The following GINS3 variants were observed in gnomAD, a reference collection of about 807,000 sequenced individuals.
GINS3 encodes the protein DNA replication complex GINS protein PSF3.
Under a neutral mutation model 20.0 loss-of-function variants are expected in GINS3, and 18 were observed. The observed-to-expected ratio is 0.90, with a 90% CI of 0.62 to 1.33. The LOEUF is 1.33. GINS3 is among the 40% of genes most tolerant of loss of function. The probability of loss-of-function intolerance (pLI) is 0.00; values close to 1 mark genes in which losing one functional copy is unlikely to be tolerated. For missense variants in GINS3, 254 were observed against 273.6 expected (o/e 0.93, Z 0.51); for synonymous variants, 109 against 107.0 (o/e 1.02, Z -0.12).
chr16:58,396,368 G>C (rs1271772618), intron 1 of GINS3, among the ~76,000 whole-genome samples: 1 of 127,348 alleles, frequency 7.9e-6, no homozygotes, highest in East Asian at 2.5e-4. Flanking sequence ...CCTCCCGGAT[G>C]GGGCGGCTGG....
At chr16:58,395,223 A>T (rs1477509948) in intron 1 of GINS3, 10 of 397,582 alleles carry the variant, frequency 2.5e-5, no homozygotes, top group Non-Finnish European at 4.4e-5. Flanking sequence ...TTGCAGGTAC[A>T]TGCCACCATG....
At chr16:58,396,825 C>T (rs1311791168) in intron 1 of GINS3, among the ~76,000 whole-genome samples, 1 of 138,064 alleles carries the variant, frequency 7.2e-6, no homozygotes, top group Non-Finnish European at 1.6e-5. Context: ...CCTCACTTCC[C>T]AGTAGGGGCG....
At chr16:58,398,194 A>G (rs2151493373) in intron 1 of GINS3, among the ~76,000 whole-genome samples, 1 of 152,258 alleles carries the variant, frequency 6.6e-6, no homozygotes, top group East Asian at 1.9e-4. Flanking sequence ...TTAATTTTTC[A>G]ATCTTCTTTT....
chr16:58,403,941 T>G (rs58255260), intron 2 of GINS3: 5,927 of 159,558 alleles, frequency 0.037, 211 homozygotes, highest in South Asian at 0.089. Flanking sequence ...AGACATCAAT[T>G]CACCTGTAAG....
At chr16:58,395,172 CT>C in intron 1 of GINS3, 1 of 427,022 alleles carries the variant, frequency 2.3e-6, no homozygotes, top group South Asian at 6.8e-5. Flanking sequence ...ACCTCCCAGG[CT>C]CCAGAGATCC....
At chr16:58,404,368 T>A in intron 2 of GINS3, 131 bp from the exon 3 acceptor site, 1 of 652,178 alleles carries the variant, frequency 1.5e-6, no homozygotes. Flanking sequence ...CTAGAGGGAA[T>A]TCAGACCTCC....
At chr16:58,404,295 TAAC>T (rs1965997441) in intron 2 of GINS3, 1 of 579,206 alleles carries the variant, frequency 1.7e-6, no homozygotes, top group Non-Finnish European at 3.1e-6. Context: ...TGGATTTTCA[TAAC>T]AATCCACTTC....
intron 1 of GINS3, among the ~76,000 whole-genome samples, chr16:58,401,309 T>TA (rs1385303313): frequency 6.6e-6 from 1 of 152,154 alleles, no homozygotes; most frequent in Non-Finnish European, 1.5e-5. Context: ...CAGTGAGTGT[T>TA]ACAGCTCATG....
intron 1 of GINS3, among the ~76,000 whole-genome samples, chr16:58,393,075 C>T (rs1965805839): frequency 6.6e-6 from 1 of 152,196 alleles, no homozygotes; most frequent in Admixed American, 6.5e-5. Flanking sequence ...TTAGTGTCTT[C>T]CCCCTACCCC....
intron 1 of GINS3, among the ~76,000 whole-genome samples, chr16:58,397,964 A>T (rs987359749): frequency 6.6e-6 from 1 of 152,178 alleles, no homozygotes; most frequent in Non-Finnish European, 1.5e-5. Context: ...ATATCAATAA[A>T]TTGTGTTCTC....
intron 1 of GINS3, among the ~76,000 whole-genome samples, chr16:58,398,898 G>A (rs1965917144): frequency 1.3e-5 from 2 of 152,122 alleles, no homozygotes; most frequent in South Asian, 4.1e-4. Flanking sequence ...TTGAAAAGAT[G>A]TCTATGGGAA....
At chr16:58,401,985 C>T (rs541677349) in intron 1 of GINS3, among the ~76,000 whole-genome samples, 13 of 151,984 alleles carry the variant, frequency 8.6e-5, no homozygotes, top group Non-Finnish European at 1.6e-4. Flanking sequence ...TTTATTTTGC[C>T]TCAATCTATC....
chr16:58,404,837 T>G lies in GINS3; in HGVS notation c.*108T>G. The G allele has an allele frequency of 1.3e-6, 1 of 765,428 alleles. No homozygotes were observed. Among genetic ancestry groups the G allele is most frequent in the South Asian group, 1.7e-5 (1 of 57,622 alleles). The allele number at this position is 765,428 out of a possible 1,614,324, so 47.4% of individuals were successfully genotyped here. Reference sequence around the variant, plus strand: ...CCAGAATCCTGTCCCATTTCATGGCTTATTTCCTGTGGCCATAGAGAATTA... The same window carrying G: ...CCAGAATCCTGTCCCATTTCATGGCGTATTTCCTGTGGCCATAGAGAATTA... On this transcript the variant is annotated 3_prime_UTR_variant, in exon 3 of 3. Coordinates refer to ENST00000318129, the MANE Select transcript of GINS3 (RefSeq NM_022770.4).
intron 1 of GINS3, among the ~76,000 whole-genome samples, chr16:58,400,050 C>T (rs117616563): frequency 0.012 from 1,783 of 152,278 alleles, 26 homozygotes; most frequent in Middle Eastern, 0.065. Flanking sequence ...TTTGCATTCT[C>T]TCTTCAGAAT....
intron 1 of GINS3, chr16:58,393,539 C>G (rs764025855): frequency 6.6e-6 from 1 of 152,174 alleles, no homozygotes; most frequent in African/African-American, 2.4e-5. Flanking sequence ...TAATACATAA[C>G]CAACGTTTTA....
intron 2 of GINS3, 26 bp from the exon 3 acceptor site, chr16:58,404,473 A>C (rs1305462713): frequency 6.6e-7 from 1 of 1,524,714 alleles, no homozygotes; most frequent in African/African-American, 1.4e-5. Flanking sequence ...GTCAACCCTG[A>C]CTTGTCTTAC....
intron 1 of GINS3, among the ~76,000 whole-genome samples, chr16:58,396,885 G>T (rs1965879060): frequency 1.4e-5 from 2 of 147,252 alleles, no homozygotes; most frequent in Non-Finnish European, 3.0e-5. Context: ...TGGCCGGGCG[G>T]GGGGCTGACC....
Position 58,404,776 on chromosome 16 carries a change from G to C in GINS3, c.*47G>C, listed in dbSNP as rs1254259717. 1.5e-6 allele frequency: 2 copies of C among 1,365,690 alleles called. No homozygotes were observed. Among genetic ancestry groups the C allele is most frequent in the Non-Finnish European group, 2.1e-6 (2 of 967,554 alleles). The allele number at this position is 1,365,690 out of a possible 1,614,324, so 84.6% of individuals were successfully genotyped here. ...GCTCCTCACAGACGTATCCCTCCGT[G>C]TGTCCTTGATAGGAGCTGGTTGACC... On this transcript the variant is annotated 3_prime_UTR_variant, in exon 3 of 3. Transcript: ENST00000318129.
chr16:58,396,762 G>A (rs1965874445), intron 1 of GINS3, among the ~76,000 whole-genome samples: 1 of 135,206 alleles, frequency 7.4e-6, no homozygotes, highest in Non-Finnish European at 1.6e-5. Flanking sequence ...CGGGCGGGGG[G>A]CTGACCCCCC....
Sources: gnomAD v4.1 joint callset for allele counts (sites outside exome capture counted in the v4.1 genomes callset) on GRCh38, gnomAD v4.1.1 for gene constraint, MANE v1.5 for transcripts, NCBI Gene and HGNC (gene_info 2026-07-23, HGNC 2026-07-21) for gene names.